The following TPH2 variants were observed in gnomAD, a reference collection of about 807,000 sequenced individuals.
The protein encoded by TPH2 is tryptophan 5-hydroxylase 2.
A neutral mutation model predicts 59.1 loss-of-function variants in TPH2; 27 were observed. That is an observed-to-expected ratio of 0.46 (90% confidence interval 0.34 to 0.63). TPH2 has a LOEUF of 0.63. Among genes scored for constraint, TPH2 ranks in the 30% least tolerant of loss-of-function variants. The pLI is 0.01. For missense variants in TPH2, 523 were observed against 588.3 expected, an observed-to-expected ratio of 0.89 and a Z score of 1.15; for synonymous variants, 220 against 210.5, an observed-to-expected ratio of 1.05 and a Z score of -0.39.
intron 5 of TPH2, among the ~76,000 whole-genome samples, chr12:71,971,743 A>G (rs1871979115): frequency 6.6e-6 from 1 of 152,210 alleles, no homozygotes; most frequent in Admixed American, 6.5e-5. Context: ...ACTACTGTTT[A>G]TGGGCCAAAT....
chr12:71,959,368 G>A (rs1014566587), intron 5 of TPH2, among the ~76,000 whole-genome samples: 2 of 152,174 alleles, frequency 1.3e-5, no homozygotes, highest in Admixed American at 6.5e-5. Flanking sequence ...TTGGAGTAGA[G>A]CTGTTTTGCT....
At chr12:72,022,656 A>G (rs985070793) in intron 9 of TPH2, among the ~76,000 whole-genome samples, 162 bp downstream of exon 9, 1 of 152,190 alleles carries the variant, frequency 6.6e-6, no homozygotes, top group Non-Finnish European at 1.5e-5. Flanking sequence ...CACTTTTCGC[A>G]CTTGTGAAAA....
chr12:71,961,422 A>T, intron 5 of TPH2: 1 of 730,062 alleles, frequency 1.4e-6, no homozygotes, highest in Non-Finnish European at 1.9e-6. Flanking sequence ...TAGGATAATC[A>T]CGCTTCTTCA....
At chr12:72,016,803 A>G (rs1873266357) in intron 8 of TPH2, among the ~76,000 whole-genome samples, 1 of 152,198 alleles carries the variant, frequency 6.6e-6, no homozygotes, top group Non-Finnish European at 1.5e-5. Flanking sequence ...TGTGTAAGCC[A>G]ATATCCTGGA....
intron 1 of TPH2, among the ~76,000 whole-genome samples, chr12:71,940,859 A>G (rs1871038421): frequency 6.6e-6 from 1 of 152,100 alleles, no homozygotes; most frequent in African/African-American, 2.4e-5. Flanking sequence ...TCAGATTTTT[A>G]CTGTTTGCCC....
intron 5 of TPH2, among the ~76,000 whole-genome samples, chr12:71,971,641 G>A (rs1359315589): frequency 6.6e-6 from 1 of 152,158 alleles, no homozygotes; most frequent in Non-Finnish European, 1.5e-5. Flanking sequence ...TGGCCAAGAA[G>A]TCTCAACTCA....
intron 8 of TPH2, among the ~76,000 whole-genome samples, chr12:72,015,611 G>A (rs535738838): frequency 6.6e-6 from 1 of 152,078 alleles, no homozygotes; most frequent in East Asian, 1.9e-4. Context: ...GAGCCACCGC[G>A]CCCGGCTTTA....
At chr12:71,987,563 A>T (rs991796540) in intron 7 of TPH2, among the ~76,000 whole-genome samples, 16 of 152,224 alleles carry the variant, frequency 1.1e-4, no homozygotes, top group African/African-American at 3.9e-4. Context: ...ATAATGTAAG[A>T]GATGGCTGGG....
At position 71,972,636 on chromosome 12, in the gene TPH2, C is replaced by T. The variant is rs764334872; in HGVS notation, c.726C>T (p.Asn242=). The T allele has an allele frequency of 7.8e-5, 126 of 1,614,040 alleles. No homozygotes were observed. The highest frequency in any genetic ancestry group is 2.2e-4 in the Admixed American group (13 of 59,986). Residue 242 remains asparagine (N), a synonymous_variant, in exon 6 of 11, where the codon AAC becomes AAT. Transcript: ENST00000333850. ...ATGCTTGCCGAGAGTATTTGAAAAA[C>T]TTCCCTCTGCTGACTAAATACTGTG... ...PTHACREYLK[N]FPLLTKYCGY...
intron 8 of TPH2, among the ~76,000 whole-genome samples, chr12:72,014,281 C>A (rs376876210): frequency 6.0e-4 from 91 of 152,236 alleles, no homozygotes; most frequent in African/African-American, 2.0e-3. Context: ...CATTTTTACC[C>A]TCTTAATTTA....
intron 8 of TPH2, among the ~76,000 whole-genome samples, chr12:72,001,220 C>T (rs1872813205): frequency 6.6e-6 from 1 of 152,150 alleles, no homozygotes; most frequent in African/African-American, 2.4e-5. Flanking sequence ...TTTACCTTCA[C>T]TTTCTGATTG....
At chr12:71,972,844 CCAACA>C in intron 6 of TPH2, 129 bp downstream of exon 6, 1 of 957,520 alleles carries the variant, frequency 1.0e-6, no homozygotes, top group Admixed American at 2.2e-5. Context: ...TGGCTTTGAG[CCAACA>C]ATTACCTGCG....
chr12:72,004,847 T>C (rs1872911573), intron 8 of TPH2, among the ~76,000 whole-genome samples: 2 of 152,184 alleles, frequency 1.3e-5, no homozygotes, highest in African/African-American at 4.8e-5. Flanking sequence ...TCAAAAGGAT[T>C]TCTAAAGCTA....
chr12:71,950,694 G>T (rs1047713473), intron 5 of TPH2, among the ~76,000 whole-genome samples: 2 of 152,096 alleles, frequency 1.3e-5, no homozygotes, highest in Non-Finnish European at 2.9e-5. Context: ...ATCTCGTAAG[G>T]GAAAGATTCG....
At position 72,032,150 on chromosome 12, in the gene TPH2, G is replaced by T; in HGVS notation, c.*455G>T. On this transcript the variant is annotated 3_prime_UTR_variant, in exon 11 of 11. Coordinates refer to ENST00000333850, the MANE Select transcript of TPH2 (RefSeq NM_173353.4). Reference sequence around the variant, plus strand: ...ATTTGAGATAAACCCAGAATTGTAGGAAACTTCCCATCACAATAACAAAGG... The same window carrying T: ...ATTTGAGATAAACCCAGAATTGTAGTAAACTTCCCATCACAATAACAAAGG... 1 of 183,422 alleles carries T rather than the reference G, an allele frequency of 5.5e-6. No individual in the cohort carries two copies. The highest frequency in any genetic ancestry group is 1.2e-5 in the Non-Finnish European group (1 of 85,982). The allele number at this position is 183,422 out of a possible 1,614,324, so 11.4% of individuals were successfully genotyped here.
At chr12:72,006,121 C>A (rs573006286) in intron 8 of TPH2, among the ~76,000 whole-genome samples, 1 of 152,218 alleles carries the variant, frequency 6.6e-6, no homozygotes, top group African/African-American at 2.4e-5. Flanking sequence ...GCTAGTAAGG[C>A]AGTATAGTAT....
At position 71,944,473 on chromosome 12, in the gene TPH2, A is replaced by G. The variant is rs764999497; in HGVS notation, c.435A>G (p.Glu145=). 1 of 1,613,912 alleles carries G rather than the reference A, an allele frequency of 6.2e-7. No individual in the cohort carries two copies. The highest frequency in any genetic ancestry group is 8.5e-7 in the Non-Finnish European group (1 of 1,179,902). The change falls in exon 3 of 11, where the codon GAA becomes GAG. Residue 145 remains glutamate (E), a synonymous_variant. Coordinates refer to ENST00000333850, the MANE Select transcript of TPH2 (RefSeq NM_173353.4). Reference sequence around the variant, plus strand: ...CTCCAGAGAACATTTGGACAGAGGAAGAAGGCAAGGGTGGTCTTAGCTTGT... The same window carrying G: ...CTCCAGAGAACATTTGGACAGAGGAGGAAGGCAAGGGTGGTCTTAGCTTGT... The part of the protein sequence containing the change: ...LNPPENIWTE[E]EELEDVPWFP...
chr12:71,944,184 T>C, intron 2 of TPH2, 110 bp from the exon 3 acceptor site: 1 of 1,077,720 alleles, frequency 9.3e-7, no homozygotes, highest in Non-Finnish European at 1.4e-6. Flanking sequence ...AGATTGTCTC[T>C]TCCTCTTGTG....
intron 7 of TPH2, among the ~76,000 whole-genome samples, chr12:71,983,421 C>T (rs1872342524): frequency 6.6e-6 from 1 of 152,030 alleles, no homozygotes; most frequent in African/African-American, 2.4e-5. Flanking sequence ...AAAGTTATTC[C>T]AATAAACCTT....
Sources: gnomAD v4.1 joint callset for allele counts (sites outside exome capture counted in the v4.1 genomes callset) on GRCh38, gnomAD v4.1.1 for gene constraint, MANE v1.5 for transcripts, NCBI Gene and HGNC (gene_info 2026-07-23, HGNC 2026-07-21) for gene names.